Variants in GADL1 observed in about 807,000 individuals in gnomAD.
GADL1 encodes acidic amino acid decarboxylase GADL1.
Under a neutral mutation model 69.5 loss-of-function variants are expected in GADL1, and 71 were observed. The observed-to-expected ratio is 1.02, with a 90% CI of 0.84 to 1.25. The LOEUF (loss-of-function observed/expected upper bound fraction) is 1.25, where lower values mean the gene tolerates loss of function less well. GADL1 is among the 50% of genes most tolerant of loss of function. The probability of loss-of-function intolerance (pLI) is 0.00; values close to 1 mark genes in which losing one functional copy is unlikely to be tolerated. For missense variants in GADL1, 737 were observed against 631.8 expected (o/e 1.17, Z -1.79); for synonymous variants, 254 against 214.4 (o/e 1.18, Z -1.62).
At chr3:30,891,203 A>G (rs1698781446) in intron 1 of GADL1, among the ~76,000 whole-genome samples, 1 of 152,098 alleles carries the variant, frequency 6.6e-6, no homozygotes, top group African/African-American at 2.4e-5. Flanking sequence ...TAGAGAGTTC[A>G]TCCCTTGGGA....
At chr3:30,760,574 A>G (rs1000861325) in intron 14 of GADL1, among the ~76,000 whole-genome samples, 1 of 152,152 alleles carries the variant, frequency 6.6e-6, no homozygotes, top group South Asian at 2.1e-4. Flanking sequence ...CAGGCCATCT[A>G]TACACAAAAT....
intron 12 of GADL1, among the ~76,000 whole-genome samples, chr3:30,795,861 A>T (rs1697022159): frequency 6.6e-6 from 1 of 152,168 alleles, no homozygotes; most frequent in South Asian, 2.1e-4. Context: ...AGTTAAGGCA[A>T]AAAAACTATT....
At chr3:30,750,744 T>A (rs1289975264) in intron 14 of GADL1, among the ~76,000 whole-genome samples, 2 of 152,200 alleles carry the variant, frequency 1.3e-5, no homozygotes, top group East Asian at 1.9e-4. Flanking sequence ...TAATTTGTCC[T>A]GCGGCTTCAT....
intron 9 of GADL1, among the ~76,000 whole-genome samples, chr3:30,837,326 A>T (rs1697890543): frequency 2.0e-5 from 3 of 152,132 alleles, no homozygotes; most frequent in Admixed American, 2.0e-4. Flanking sequence ...TTGATTTGAC[A>T]CCCACAATAC....
Position 30,839,085 on chromosome 3 carries a change from G to T in GADL1, c.815C>A (p.Thr272Asn). ...AGCTCCCAACACAGTTGTACCAGAAGTGGCACAGACAAGAAACGGTGCTGC... is the reference window on the plus strand; with the variant it reads ...AGCTCCCAACACAGTTGTACCAGAATTGGCACAGACAAGAAACGGTGCTGC... ...EGAAPFLVCA[T>N]SGTTVLGAFD... is the part of the protein sequence containing the mutation. Residue 272 changes from threonine to asparagine, a missense_variant, in exon 9 of 15, where the codon ACT (threonine) becomes AAT (asparagine). By Grantham distance (65) the Thr-to-Asn change is moderately conservative. Transcript: ENST00000282538. 1 of 1,602,858 alleles carries T rather than the reference G, an allele frequency of 6.2e-7. No individual in the cohort carries two copies. Among genetic ancestry groups the T allele is most frequent in the Non-Finnish European group, 8.5e-7 (1 of 1,174,784 alleles).
chr3:30,745,414 C>CG (rs1695687938), intron 14 of GADL1, among the ~76,000 whole-genome samples: 1 of 152,096 alleles, frequency 6.6e-6, no homozygotes, highest in African/African-American at 2.4e-5. Context: ...ATTTTTATTG[C>CG]GGGGGTACAT....
chr3:30,785,688 T>C (rs559947335), intron 13 of GADL1, among the ~76,000 whole-genome samples: 15 of 152,358 alleles, frequency 9.8e-5, no homozygotes, highest in Admixed American at 6.5e-5. Context: ...ACATTTCTTA[T>C]GTATAGCACA....
chr3:30,812,499 T>C (rs534050139), intron 11 of GADL1, among the ~76,000 whole-genome samples: 251 of 152,248 alleles, frequency 1.6e-3, no homozygotes, highest in Non-Finnish European at 2.9e-3. Context: ...CCATCAGATC[T>C]TGTAAGACCT....
chr3:30,829,240 G>A (rs1697746064), intron 11 of GADL1, among the ~76,000 whole-genome samples: 1 of 151,444 alleles, frequency 6.6e-6, no homozygotes, highest in Non-Finnish European at 1.5e-5. Context: ...TTTTATTCCT[G>A]TGATTCAAAG....
Position 30,736,804 on chromosome 3 carries a change from C to T in GADL1, c.1393-8389G>A, listed in dbSNP as rs574279187. On this transcript the variant is annotated intron_variant, in intron 14 of 14. Transcript: ENST00000282538. ...GTAACACAGTCATTGATAATCTTGG[C>T]AGATTTTTTGGAGGGAAGTTTTCCA... Among the ~76,000 whole-genome samples the T allele has an allele frequency of 3.3e-5, 5 of 152,236 alleles. No individual in the cohort carries two copies. In the East Asian group the frequency reaches 9.6e-4, roughly 29 times the overall value.
At chr3:30,785,030 G>T (rs1027036069) in intron 13 of GADL1, among the ~76,000 whole-genome samples, 1 of 151,970 alleles carries the variant, frequency 6.6e-6, no homozygotes, top group Admixed American at 6.6e-5. Flanking sequence ...TCTTTATTCA[G>T]GTCTCAGCTC....
chr3:30,794,076 ACT>A (rs1394770678), intron 12 of GADL1, among the ~76,000 whole-genome samples: 3 of 152,228 alleles, frequency 2.0e-5, no homozygotes, highest in Admixed American at 6.5e-5. Context: ...AGTCTTCCAG[ACT>A]CTGTACCTCC....
At chr3:30,771,645 G>A (rs571726991) in intron 14 of GADL1, among the ~76,000 whole-genome samples, 3 of 152,268 alleles carry the variant, frequency 2.0e-5, no homozygotes, top group African/African-American at 4.8e-5. Flanking sequence ...GTAGCATAAG[G>A]TTTAAAAAAG....
intron 11 of GADL1, among the ~76,000 whole-genome samples, chr3:30,815,849 A>T (rs1697458334): frequency 6.6e-6 from 1 of 152,154 alleles, no homozygotes; most frequent in African/African-American, 2.4e-5. Flanking sequence ...TGTTTTAGGC[A>T]CACATAAGCT....
intron 14 of GADL1, among the ~76,000 whole-genome samples, chr3:30,750,646 CTTT>C (rs5847629): frequency 5.3e-5 from 8 of 151,094 alleles, no homozygotes; most frequent in South Asian, 4.2e-4. Context: ...CTTGCAGCCA[CTTT>C]TTTTTTTTAA....
chr3:30,864,813 C>T (rs1559364576), intron 1 of GADL1, among the ~76,000 whole-genome samples: 1 of 151,968 alleles, frequency 6.6e-6, no homozygotes, highest in Non-Finnish European at 1.5e-5. Context: ...TTCATCACCC[C>T]CACTTTTACT....
At position 30,845,233 on chromosome 3, in the gene GADL1, T is replaced by G. The variant is rs543023594; in HGVS notation, c.652-767A>C. 1.1e-4 allele frequency among the ~76,000 whole-genome samples: 16 copies of G among 152,318 alleles called. No homozygotes were observed. The East Asian group carries it at 2.9e-3, about 28-fold the overall frequency. The stretch of plus-strand genomic sequence containing the variant: ...GGAATTAAGTCTGGTCTATTTCTTA[T>G]TGATAAATAGTAGTGTGTGCTTTAC... On this transcript the variant is annotated intron_variant, in intron 6 of 14. Transcript: ENST00000282538.
rs141166616 is a variant in GADL1, at chr3:30,761,967, AAT to A, written c.1392+16210_1392+16211del. Among the ~76,000 whole-genome samples the A allele has an allele frequency of 8.8e-3, 1,335 of 152,276 alleles. 19 individuals carry two copies. Among genetic ancestry groups the A allele is most frequent in the African/African-American group, 0.03 (1,261 of 41,546 alleles). ...TCTGGGGCCGTGGGAGTGAGAATCTAATAGAGTATCTGAAACCAAGGCACAAA... is the reference window on the plus strand; with the variant it reads ...TCTGGGGCCGTGGGAGTGAGAATCTAAGAGTATCTGAAACCAAGGCACAAA... On this transcript the variant is annotated intron_variant, in intron 14 of 14. Transcript: ENST00000282538.
intron 14 of GADL1, among the ~76,000 whole-genome samples, chr3:30,764,101 A>G (rs1350959038): frequency 6.6e-6 from 1 of 152,158 alleles, no homozygotes; most frequent in Admixed American, 6.5e-5. Flanking sequence ...ATAAAAATGC[A>G]AATGTACATT....
Sources: allele counts gnomAD v4.1 joint callset (sites outside exome capture counted in the v4.1 genomes callset), GRCh38; gene constraint gnomAD v4.1.1; transcripts MANE v1.5; gene names NCBI Gene and HGNC (gene_info 2026-07-23, HGNC 2026-07-21).